The following SGCD variants were observed in gnomAD, a reference collection of about 807,000 sequenced individuals.
SGCD encodes the protein sarcoglycan delta.
A neutral mutation model predicts 36.6 loss-of-function variants in SGCD; 18 were observed. That is an observed-to-expected ratio of 0.49 (90% confidence interval 0.34 to 0.73). The LOEUF (loss-of-function observed/expected upper bound fraction) is 0.73, where lower values mean the gene tolerates loss of function less well. SGCD is among the 30% of genes least tolerant of loss of function. The pLI, the probability that SGCD is intolerant of heterozygous loss-of-function variation, is 0.01. For missense variants in SGCD, 387 were observed against 346.7 expected, an observed-to-expected ratio of 1.12 and a Z score of -0.92; for synonymous variants, 133 against 130.6, an observed-to-expected ratio of 1.02 and a Z score of -0.12.
intron 3 of SGCD, among the ~76,000 whole-genome samples, chr5:156,238,241 C>G (rs1210296655): frequency 6.6e-6 from 1 of 152,178 alleles, no homozygotes; most frequent in African/African-American, 2.4e-5. Flanking sequence ...CTGCACCTGA[C>G]CTAAGATAAA....
At chr5:156,110,221 A>ATTATAG (rs1761750615) in intron 1 of SGCD, among the ~76,000 whole-genome samples, 1 of 152,150 alleles carries the variant, frequency 6.6e-6, no homozygotes, top group African/African-American at 2.4e-5. Flanking sequence ...TGAGGTGGAG[A>ATTATAG]TTATAGGAGA....
chr5:156,130,886 C>G (rs1762306365), intron 3 of SGCD, among the ~76,000 whole-genome samples: 1 of 152,030 alleles, frequency 6.6e-6, no homozygotes, highest in East Asian at 1.9e-4. Context: ...ACCACCATGC[C>G]TGGCTAATTT....
chr5:155,753,556 T>C, the SGCD span, among the ~76,000 whole-genome samples: 1 of 152,282 alleles, frequency 6.6e-6, no homozygotes, highest in South Asian at 2.1e-4. Context: ...CATTTTTTTT[T>C]CTGTCATTGC....
chr5:156,195,943 C>G (rs912228332), intron 3 of SGCD, among the ~76,000 whole-genome samples: 2 of 152,188 alleles, frequency 1.3e-5, no homozygotes, highest in Admixed American at 1.3e-4. Flanking sequence ...CAGAATGAAA[C>G]TCATGCCACC....
intron 3 of SGCD, among the ~76,000 whole-genome samples, chr5:156,248,228 A>C (rs982673462): frequency 2.0e-5 from 3 of 152,122 alleles, no homozygotes; most frequent in African/African-American, 7.2e-5. Flanking sequence ...AGAGATTAAA[A>C]CCAAGGCCAT....
intron 1 of SGCD, among the ~76,000 whole-genome samples, chr5:156,108,986 C>T (rs748211418): frequency 5.3e-5 from 8 of 152,160 alleles, no homozygotes; most frequent in Non-Finnish European, 8.8e-5. Context: ...ATAGGCCGTG[C>T]TTGCTAGTAA....
chr5:156,518,513 A>C (rs1376120705), intron 4 of SGCD, among the ~76,000 whole-genome samples: 1 of 152,172 alleles, frequency 6.6e-6, no homozygotes, highest in Non-Finnish European at 1.5e-5. Flanking sequence ...ATAACTCTCC[A>C]TCCACAAACA....
At chr5:155,952,699 A>G (rs1757570679) in intron 1 of SGCD, among the ~76,000 whole-genome samples, 1 of 152,194 alleles carries the variant, frequency 6.6e-6, no homozygotes, top group Non-Finnish European at 1.5e-5. Context: ...GCCCCTAAAG[A>G]TAGCTCTGCC....
chr5:156,290,501 T>C (rs1766730027), intron 3 of SGCD, among the ~76,000 whole-genome samples: 1 of 152,178 alleles, frequency 6.6e-6, no homozygotes, highest in African/African-American at 2.4e-5. Flanking sequence ...CTCCGAGTCC[T>C]AGTGTTCTCA....
chr5:156,071,169 C>T (rs1176460750), intron 1 of SGCD, among the ~76,000 whole-genome samples: 1 of 152,114 alleles, frequency 6.6e-6, no homozygotes, highest in African/African-American at 2.4e-5. Context: ...TTGCCTTCTG[C>T]TAGCTTTTGA....
intron 3 of SGCD, among the ~76,000 whole-genome samples, chr5:156,444,038 G>A (rs902469569): frequency 1.4e-5 from 2 of 146,038 alleles, no homozygotes; most frequent in East Asian, 4.1e-4. Context: ...GGACATCCCA[G>A]CACGCTTTGG....
At chr5:156,272,120 C>T (rs958922230) in intron 3 of SGCD, among the ~76,000 whole-genome samples, 6 of 152,164 alleles carry the variant, frequency 3.9e-5, no homozygotes, top group African/African-American at 1.4e-4. Context: ...ATCACTCAAG[C>T]AGTGTACACT....
intron 1 of SGCD, among the ~76,000 whole-genome samples, chr5:155,983,586 C>T (rs1001495969): frequency 1.3e-5 from 2 of 152,130 alleles, no homozygotes; most frequent in Non-Finnish European, 2.9e-5. Flanking sequence ...AGGTGTAAGC[C>T]ACCACACCCA....
chr5:156,627,586 G>T (rs965229633), intron 6 of SGCD, among the ~76,000 whole-genome samples: 3 of 152,096 alleles, frequency 2.0e-5, no homozygotes, highest in African/African-American at 7.2e-5. Flanking sequence ...CTCTTATTTA[G>T]TCTTCATGAT....
chr5:156,727,629 G>A (rs1755842558), intron 7 of SGCD, among the ~76,000 whole-genome samples: 1 of 152,140 alleles, frequency 6.6e-6, no homozygotes, highest in South Asian at 2.1e-4. Flanking sequence ...AAATTCTTAA[G>A]CACTCTGGAA....
intron 7 of SGCD, among the ~76,000 whole-genome samples, chr5:156,665,994 CACAGAG>C (rs1489682471): frequency 1.1e-5 from 1 of 90,740 alleles, no homozygotes; most frequent in African/African-American, 5.2e-5. Context: ...AAGAAAAAGA[CACAGAG>C]ACAAAGTATA....
intron 1 of SGCD, among the ~76,000 whole-genome samples, chr5:155,987,361 T>C (rs1030649794): frequency 6.6e-6 from 1 of 151,950 alleles, no homozygotes; most frequent in African/African-American, 2.4e-5. Context: ...GTCTCTAAAA[T>C]CCACGCTCTT....
intron 3 of SGCD, among the ~76,000 whole-genome samples, chr5:156,132,456 G>GTTT (rs1561532851): frequency 1.1e-4 from 8 of 73,582 alleles, no homozygotes; most frequent in African/African-American, 4.3e-4. Context: ...AACTTACCAA[G>GTTT]TCTTTTTTTT....
At chr5:155,761,664 C>G in the SGCD span, among the ~76,000 whole-genome samples, 2 of 145,022 alleles carry the variant, frequency 1.4e-5, no homozygotes, top group East Asian at 2.0e-4. Context: ...CATCATCACT[C>G]TCTCCATCAT....
Sources: gnomAD v4.1 joint callset for allele counts (sites outside exome capture counted in the v4.1 genomes callset) on GRCh38, gnomAD v4.1.1 for gene constraint, MANE v1.5 for transcripts, NCBI Gene and HGNC (gene_info 2026-07-23, HGNC 2026-07-21) for gene names.